The following CRIM1 variants were observed in gnomAD, a reference collection of about 807,000 sequenced individuals.
The protein encoded by CRIM1 is cysteine-rich motor neuron 1 protein.
CRIM1 carries 32 observed loss-of-function variants against 116.4 expected under a neutral mutation model. The observed-to-expected ratio is 0.27, with a 90% CI of 0.21 to 0.37. The LOEUF (loss-of-function observed/expected upper bound fraction) is 0.37, where lower values mean the gene tolerates loss of function less well. Among genes scored for constraint, CRIM1 ranks in the 10% least tolerant of loss-of-function variants. CRIM1 has a pLI of 1.00. For missense variants in CRIM1, 1,331 were observed against 1,354.8 expected, an observed-to-expected ratio of 0.98 and a Z score of 0.28; for synonymous variants, 590 against 509.2, an observed-to-expected ratio of 1.16 and a Z score of -2.13.
At chr2:36,381,111 G>GC (rs1670723555) in intron 1 of CRIM1, among the ~76,000 whole-genome samples, 1 of 150,336 alleles carries the variant, frequency 6.7e-6, no homozygotes, top group Non-Finnish European at 1.5e-5. Flanking sequence ...TCTTGCCCCC[G>GC]CCCCTACCCC....
intron 5 of CRIM1, among the ~76,000 whole-genome samples, chr2:36,470,537 G>A (rs1678417066): frequency 6.6e-6 from 1 of 152,182 alleles, no homozygotes; most frequent in Non-Finnish European, 1.5e-5. Context: ...TACTCTGCCT[G>A]TGCTTTATAA....
At chr2:36,371,488 A>G (rs1347430550) in intron 1 of CRIM1, among the ~76,000 whole-genome samples, 1 of 152,138 alleles carries the variant, frequency 6.6e-6, no homozygotes, top group Non-Finnish European at 1.5e-5. Flanking sequence ...TTTTTCATCG[A>G]ACCATTTGGT....
intron 9 of CRIM1, 129 bp from the exon 10 acceptor site, chr2:36,512,144 T>C: frequency 9.0e-7 from 1 of 1,112,434 alleles, no homozygotes; most frequent in Non-Finnish European, 1.3e-6. Context: ...ACTCCAGGAA[T>C]CTTTGAGAGC....
chr2:36,455,469 C>T (rs1677065118), intron 4 of CRIM1, among the ~76,000 whole-genome samples: 2 of 152,184 alleles, frequency 1.3e-5, no homozygotes, highest in East Asian at 1.9e-4. Context: ...ACTTAACTTA[C>T]TCAAGGTCAC....
rs547115946 is a variant in CRIM1 at position 36,463,145 on chromosome 2, G to C, written c.870-1389G>C. Among the ~76,000 whole-genome samples the C allele has an allele frequency of 2.0e-5, 3 of 152,328 alleles. No individual in the cohort carries two copies. The South Asian group carries it at 6.2e-4, about 32-fold the overall frequency. On this transcript the variant is annotated intron_variant, in intron 4 of 16. Transcript: ENST00000280527. ...TCAAGGAGCCTACCTTGGGGTGATA[G>C]TGGGGTGTTTAAAGCCACCTTTCCA...
intron 13 of CRIM1, among the ~76,000 whole-genome samples, chr2:36,534,835 C>T (rs1221735844): frequency 6.6e-6 from 1 of 151,988 alleles, no homozygotes; most frequent in Non-Finnish European, 1.5e-5. Flanking sequence ...GGAGTTTTAC[C>T]TCCTGTCTGG....
At chr2:36,385,425 T>C (rs964276670) in intron 1 of CRIM1, among the ~76,000 whole-genome samples, 2 of 152,206 alleles carry the variant, frequency 1.3e-5, no homozygotes, top group African/African-American at 4.8e-5. Context: ...GGAGTATTGC[T>C]GTATATGAAG....
At chr2:36,457,551 C>T (rs142124004) in intron 4 of CRIM1, among the ~76,000 whole-genome samples, 187 of 152,054 alleles carry the variant, frequency 1.2e-3, no homozygotes, top group Non-Finnish European at 2.1e-3. Context: ...CAGGAAATCA[C>T]GCAGGAATAA....
intron 14 of CRIM1, among the ~76,000 whole-genome samples, chr2:36,540,507 A>AGTCAAGGCCGGTGCCTCTAAG (rs373447050): frequency 3.9e-5 from 6 of 152,176 alleles, no homozygotes; most frequent in African/African-American, 2.4e-5. Context: ...AGATGGGAAA[A>AGTCAAGGCCGGTGCCTCTAAG]GTCAAGGCCG....
intron 13 of CRIM1, among the ~76,000 whole-genome samples, chr2:36,522,788 C>G (rs1164331718): frequency 2.1e-4 from 22 of 106,444 alleles, no homozygotes; most frequent in African/African-American, 7.7e-4. Context: ...GGTGACAGAG[C>G]AAGACTCCAT....
intron 14 of CRIM1, among the ~76,000 whole-genome samples, chr2:36,540,390 A>T (rs1666867981): frequency 6.6e-6 from 1 of 152,186 alleles, no homozygotes; most frequent in Non-Finnish European, 1.5e-5. Flanking sequence ...CAGACTGTGA[A>T]GTTGAGGGTC....
rs1015503140 is a variant in CRIM1 at position 36,356,978 on chromosome 2, T to C, written c.331+355T>C. Among the ~76,000 whole-genome samples the C allele has an allele frequency of 4.6e-5, 7 of 152,004 alleles. No homozygotes were observed. The highest frequency in any genetic ancestry group is 3.4e-3 in the Middle Eastern group (1 of 294). ...CGCGGGCGGGGGGCACTGCAGATTCTGCCGCGCGCGAGCCCCTCGGGGAGC... is the reference window on the plus strand; with the variant it reads ...CGCGGGCGGGGGGCACTGCAGATTCCGCCGCGCGCGAGCCCCTCGGGGAGC... On this transcript the variant is annotated intron_variant, in intron 1 of 16. Coordinates refer to ENST00000280527, the MANE Select transcript of CRIM1 (RefSeq NM_016441.3). This position sits in a 1 kb window ranked among gnomAD's most constrained non-coding sequence, Gnocchi z 4.3.
intron 13 of CRIM1, among the ~76,000 whole-genome samples, chr2:36,533,724 T>C (rs78788726): frequency 1.2e-3 from 190 of 152,340 alleles, no homozygotes; most frequent in African/African-American, 4.4e-3. Flanking sequence ...GAAAGAGTAT[T>C]TACATAAACC....
intron 2 of CRIM1, among the ~76,000 whole-genome samples, chr2:36,429,674 G>T (rs542561537): frequency 7.9e-5 from 12 of 152,318 alleles, no homozygotes; most frequent in Middle Eastern, 3.4e-3. Flanking sequence ...AGTGGATATG[G>T]TATAAAGTAG....
At chr2:36,366,025 C>G (rs1004839451) in intron 1 of CRIM1, among the ~76,000 whole-genome samples, 4 of 152,162 alleles carry the variant, frequency 2.6e-5, no homozygotes, top group Non-Finnish European at 4.4e-5. Flanking sequence ...CGCGCCCAGC[C>G]CAGAACTACA....
At chr2:36,510,918 CTTTT>C (rs1170609098) in intron 9 of CRIM1, among the ~76,000 whole-genome samples, 1 of 138,278 alleles carries the variant, frequency 7.2e-6, no homozygotes, top group African/African-American at 2.8e-5. Context: ...TGCTAGATTC[CTTTT>C]CTTTTTTTTT....
chr2:36,377,400 A>G, intron 1 of CRIM1, among the ~76,000 whole-genome samples: 1 of 152,174 alleles, frequency 6.6e-6, no homozygotes. Flanking sequence ...CCATAGGGAG[A>G]AATCATGTTT....
Position 36,356,610 on chromosome 2 carries a change from G to T in CRIM1, c.318G>T (p.Ala106=). The change falls in exon 1 of 17, where the codon GCG becomes GCT. Residue 106 remains alanine (A), a synonymous_variant. Coordinates refer to ENST00000280527, the MANE Select transcript of CRIM1 (RefSeq NM_016441.3). This position sits in a 1 kb window ranked among gnomAD's most constrained non-coding sequence, Gnocchi z 4.3. ...LNGDSLTEYE[A]GVCEDENWTD... is the part of the protein sequence containing the mutation. Reference sequence around the variant, plus strand: ...GCGACTCCCTCACCGAGTACGAAGCGGGCGTTTGCGAAGGTACGGCCGCCC... The same window carrying T: ...GCGACTCCCTCACCGAGTACGAAGCTGGCGTTTGCGAAGGTACGGCCGCCC... The T allele has an allele frequency of 1.2e-6, 2 of 1,608,216 alleles. No individual in the cohort carries two copies. Among genetic ancestry groups the T allele is most frequent in the South Asian group, 1.1e-5 (1 of 90,812 alleles).
chr2:36,476,565 A>G (rs901456808), intron 5 of CRIM1, among the ~76,000 whole-genome samples: 2 of 152,206 alleles, frequency 1.3e-5, no homozygotes, highest in African/African-American at 2.4e-5. Context: ...AACCAAACAA[A>G]TAGAATCACT....
Sources: allele counts gnomAD v4.1 joint callset (sites outside exome capture counted in the v4.1 genomes callset), GRCh38; gene constraint gnomAD v4.1.1; non-coding constraint Gnocchi (gnomAD v3.1); transcripts MANE v1.5; gene names NCBI Gene and HGNC (gene_info 2026-07-23, HGNC 2026-07-21).